Variants in RNFT2 observed in about 807,000 individuals in gnomAD.
The protein encoded by RNFT2 is E3 ubiquitin-protein ligase RNFT2.
RNFT2 carries 36 observed loss-of-function variants against 53.0 expected under a neutral mutation model. The observed-to-expected ratio is 0.68, with a 90% confidence interval of 0.52 to 0.90. RNFT2 has a LOEUF of 0.90. Among genes scored for constraint, RNFT2 ranks in the 40% least tolerant of loss-of-function variants. RNFT2 has a pLI of 0.00. For missense variants in RNFT2, 514 were observed against 585.6 expected (o/e 0.88, Z 1.26); for synonymous variants, 260 against 253.2 (o/e 1.03, Z -0.26).
In RNFT2 at chr12:116,851,192, G is replaced by A. The variant is rs986218555; in HGVS notation, c.*1744G>A. On this transcript the variant is annotated 3_prime_UTR_variant, in exon 11 of 11. Coordinates refer to ENST00000257575, the MANE Select transcript of RNFT2 (RefSeq NM_001382266.1). ...ATGGGCGGGCCAAGTTTCCAACAGA[G>A]GCCTGGTACAGTTTCAGAACCCACA... 6.6e-6 allele frequency: 1 copy of A among 152,086 alleles called. No individual in the cohort carries two copies. Among genetic ancestry groups the A allele is most frequent in the African/African-American group, 2.4e-5 (1 of 41,258 alleles). The allele number at this position is 152,086 out of a possible 1,614,324, so 9.4% of individuals were successfully genotyped here.
At chr12:116,824,763 A>C (rs1028841114) in intron 7 of RNFT2, among the ~76,000 whole-genome samples, 6 of 152,098 alleles carry the variant, frequency 3.9e-5, no homozygotes, top group Non-Finnish European at 8.8e-5. Context: ...CCTATAAGGG[A>C]ACCAATCCCA....
At position 116,743,242 on chromosome 12, in the gene RNFT2, AAACCG is replaced by A. The variant is rs1566066779; in HGVS notation, c.83+2149_83+2153del. 6.6e-4 allele frequency among the ~76,000 whole-genome samples: 63 copies of A among 95,086 alleles called. 16 individuals are homozygous for A. The highest frequency in any genetic ancestry group is 2.2e-3 in the African/African-American group (43 of 19,588). The allele number at this position is 95,086 out of a possible 152,430, so 62.4% of individuals were successfully genotyped here. A position where few individuals can be genotyped will look rare whatever the true frequency, so the allele number is the denominator to read the frequency against. ...AAAAAAAAAAAAAAAAAAAAAAAAA[AAACCG>A]GTTAAAAAACACTCATGAGCTAGAA... On this transcript the variant is annotated intron_variant, in intron 3 of 10. Transcript: ENST00000257575.
chr12:116,804,550 T>A (rs1421828358), intron 7 of RNFT2, among the ~76,000 whole-genome samples: 1 of 152,236 alleles, frequency 6.6e-6, no homozygotes, highest in Non-Finnish European at 1.5e-5. Flanking sequence ...TACCATTATG[T>A]ATATTACAGT....
chr12:116,840,198 G>A (rs748817449), intron 10 of RNFT2, among the ~76,000 whole-genome samples: 10 of 152,226 alleles, frequency 6.6e-5, no homozygotes, highest in Non-Finnish European at 1.3e-4. Context: ...AAGAGGGCAA[G>A]AGAATGGTGA....
chr12:116,799,421 T>G (rs918509040), intron 7 of RNFT2, among the ~76,000 whole-genome samples: 22 of 152,258 alleles, frequency 1.4e-4, no homozygotes, highest in African/African-American at 5.3e-4. Context: ...TTTTATCGTG[T>G]AGCCTGTAAT....
chr12:116,833,423 C>T (rs1391970179), intron 7 of RNFT2, among the ~76,000 whole-genome samples: 3 of 152,186 alleles, frequency 2.0e-5, no homozygotes, highest in East Asian at 1.9e-4. Flanking sequence ...GGCCTGGATG[C>T]GGAGGGCAGG....
chr12:116,841,816 TAA>T lies in RNFT2; in HGVS notation c.1200+5538_1200+5539del, dbSNP rs1274021983. Among the ~76,000 whole-genome samples, 112 of 80,076 alleles carry T rather than the reference TAA, an allele frequency of 1.4e-3. 4 individuals are homozygous for T. Among genetic ancestry groups the T allele is most frequent in the African/African-American group, 6.9e-3 (91 of 13,280 alleles). The allele number at this position is 80,076 out of a possible 152,430, so 52.5% of individuals were successfully genotyped here. The stretch of plus-strand genomic sequence containing the variant: ...ATAAATATATATATAAATATATATA[TAA>T]AAATATATATATATAAATATATATA... On this transcript the variant is annotated intron_variant, in intron 10 of 10. Transcript: ENST00000257575.
At chr12:116,843,975 G>A (rs1592993448) in intron 10 of RNFT2, among the ~76,000 whole-genome samples, 1 of 152,206 alleles carries the variant, frequency 6.6e-6, no homozygotes, top group East Asian at 1.9e-4. Context: ...CCACCTAGAG[G>A]GCAGGGCAGA....
At chr12:116,790,340 C>T (rs980131340) in intron 7 of RNFT2, among the ~76,000 whole-genome samples, 3 of 151,864 alleles carry the variant, frequency 2.0e-5, no homozygotes, top group Admixed American at 2.0e-4. Context: ...GAGGATACAT[C>T]AGTGAACCAG....
At chr12:116,819,499 G>C (rs1421073684) in intron 7 of RNFT2, among the ~76,000 whole-genome samples, 2 of 152,106 alleles carry the variant, frequency 1.3e-5, no homozygotes, top group Non-Finnish European at 2.9e-5. Context: ...TTTGTTGGGA[G>C]CGCGGGGACA....
chr12:116,780,520 C>G (rs1873647673), intron 7 of RNFT2, among the ~76,000 whole-genome samples: 1 of 152,104 alleles, frequency 6.6e-6, no homozygotes, highest in South Asian at 2.1e-4. Context: ...CGACCTGGTT[C>G]CTAACAGGCC....
chr12:116,772,235 G>T (rs1329186104), intron 6 of RNFT2, among the ~76,000 whole-genome samples: 2 of 152,152 alleles, frequency 1.3e-5, no homozygotes, highest in Non-Finnish European at 2.9e-5. Context: ...GGGAATACTG[G>T]CATGGGCCAC....
chr12:116,771,067 C>T (rs1873153204), intron 6 of RNFT2, among the ~76,000 whole-genome samples: 1 of 152,000 alleles, frequency 6.6e-6, no homozygotes, highest in African/African-American at 2.4e-5. Flanking sequence ...ATGGCAGAGA[C>T]CATATAGCTT....
chr12:116,758,709 G>C (rs1872590630), intron 5 of RNFT2, among the ~76,000 whole-genome samples: 1 of 152,184 alleles, frequency 6.6e-6, no homozygotes, highest in Non-Finnish European at 1.5e-5. Context: ...TAGCTTGTAG[G>C]GTTTCTGCTG....
At chr12:116,741,820 T>A (rs1268676810) in intron 3 of RNFT2, among the ~76,000 whole-genome samples, 1 of 152,154 alleles carries the variant, frequency 6.6e-6, no homozygotes, top group Admixed American at 6.5e-5. Context: ...AGCTAATTTT[T>A]AAAATTTTTT....
chr12:116,833,046 G>A (rs763428359), intron 7 of RNFT2, among the ~76,000 whole-genome samples: 13 of 151,696 alleles, frequency 8.6e-5, no homozygotes, highest in Non-Finnish European at 1.5e-4. Flanking sequence ...AGTAGCCTCC[G>A]AGTAGCTGGG....
At chr12:116,826,939 G>A (rs1262736049) in intron 7 of RNFT2, among the ~76,000 whole-genome samples, 4 of 152,262 alleles carry the variant, frequency 2.6e-5, no homozygotes, top group East Asian at 1.9e-4. Context: ...GAGTGATTTA[G>A]GGGCTGGGTG....
Position 116,819,624 on chromosome 12 carries a change from A to G in RNFT2, c.883-14168A>G, listed in dbSNP as rs544510875. ...ATGGCTGCCGCCGGGTGGTGACGTC[A>G]CCGGCAGCACCCGTTGCCAGGCAAC... On this transcript the variant is annotated intron_variant, in intron 7 of 10. Transcript: ENST00000257575. Among the ~76,000 whole-genome samples, 251 of 152,150 alleles carry G rather than the reference A, an allele frequency of 1.6e-3. 3 individuals carry two copies. Among genetic ancestry groups the G allele is most frequent in the Non-Finnish European group, 1.5e-4 (10 of 67,970 alleles).
chr12:116,852,600 A>G lies in RNFT2; in HGVS notation c.*3152A>G, dbSNP rs1459841194. 1 of 1,613,690 alleles carries G rather than the reference A, an allele frequency of 6.2e-7. No individual in the cohort carries two copies. The highest frequency in any genetic ancestry group is 1.7e-5 in the Admixed American group (1 of 60,018). Reference sequence around the variant, plus strand: ...CCTGAGGAAAAACCAAAGGGAAGCAACAGGAACTTCTGCAACTGGTTTTTA... The same window carrying G: ...CCTGAGGAAAAACCAAAGGGAAGCAGCAGGAACTTCTGCAACTGGTTTTTA... On this transcript the variant is annotated 3_prime_UTR_variant, in exon 11 of 11. Transcript: ENST00000257575.
Sources: gnomAD v4.1 joint callset for allele counts (sites outside exome capture counted in the v4.1 genomes callset) on GRCh38, gnomAD v4.1.1 for gene constraint, MANE v1.5 for transcripts, NCBI Gene and HGNC (gene_info 2026-07-23, HGNC 2026-07-21) for gene names.